The following DEAF1 variants were observed in gnomAD, a reference collection of about 807,000 sequenced individuals.
DEAF1 encodes deformed epidermal autoregulatory factor 1 homolog.
In DEAF1, 53 loss-of-function variants were observed where a neutral mutation model predicts 58.9. The ratio of observed to expected loss-of-function variants is 0.90; its 90% CI spans 0.72 to 1.13. The LOEUF (loss-of-function observed/expected upper bound fraction) is 1.13, where lower values mean the gene tolerates loss of function less well. DEAF1 is among the 50% of genes most tolerant of loss of function. DEAF1 has a pLI of 0.00. For missense variants in DEAF1, 685 were observed against 791.4 expected (o/e 0.87, Z 1.61); for synonymous variants, 385 against 340.4 (o/e 1.13, Z -1.44).
Position 674,688 on chromosome 11 carries a change from G to A in DEAF1, c.1351C>T (p.Arg451Trp). 5.0e-6 allele frequency: 8 copies of A among 1,613,908 alleles called. No homozygotes were observed. Among genetic ancestry groups the A allele is most frequent in the Non-Finnish European group, 5.9e-6 (7 of 1,180,046 alleles). Residue 451 changes from arginine (R) to tryptophan (W), a missense_variant, in exon 10 of 12, where the codon CGG (arginine) becomes TGG (tryptophan). Arg to Trp is a moderately radical substitution (Grantham distance 101). Coordinates refer to ENST00000382409, the MANE Select transcript of DEAF1 (RefSeq NM_021008.4). Reference protein sequence around the residue: ...LVNGLELSEPRSWLYLEEMVN... With the variant: ...LVNGLELSEPWSWLYLEEMVN... The stretch of plus-strand genomic sequence containing the variant: ...ATCTCTTCTAGGTACAGCCAGCTCC[G>A]CGGCTCTGACAGCTCCAGCCCATTG...
At position 644,472 on chromosome 11, in the gene DEAF1, T is replaced by G; in HGVS notation, c.*78A>C. On this transcript the variant is annotated 3_prime_UTR_variant, in exon 12 of 12. Coordinates refer to ENST00000382409, the MANE Select transcript of DEAF1 (RefSeq NM_021008.4). This position sits in a 1 kb window ranked among gnomAD's most constrained non-coding sequence, Gnocchi z 4.3. Reference sequence around the variant, plus strand: ...CCCTCTTCTCAACGTCCCCCCAGAGTCCTCAGGGGGGCCTTCGACCTGCAA... The same window carrying G: ...CCCTCTTCTCAACGTCCCCCCAGAGGCCTCAGGGGGGCCTTCGACCTGCAA... 1 of 1,076,436 alleles carries G rather than the reference T, an allele frequency of 9.3e-7. No individual in the cohort carries two copies. Among genetic ancestry groups the G allele is most frequent in the Non-Finnish European group, 1.4e-6 (1 of 715,696 alleles). The allele number at this position is 1,076,436 out of a possible 1,614,324, so 66.7% of individuals were successfully genotyped here. A position where few individuals can be genotyped will look rare whatever the true frequency, so the allele number is the denominator to read the frequency against.
At chr11:658,200 A>G (rs538895169) in intron 10 of DEAF1, among the ~76,000 whole-genome samples, 15 of 152,248 alleles carry the variant, frequency 9.9e-5, no homozygotes, top group African/African-American at 3.4e-4. Flanking sequence ...AGGCTGAGGC[A>G]GGCGGATCAC....
chr11:683,463 C>T (rs1174536320), intron 6 of DEAF1, among the ~76,000 whole-genome samples: 2 of 152,190 alleles, frequency 1.3e-5, no homozygotes, highest in African/African-American at 2.4e-5. Flanking sequence ...ATCGTGGGGT[C>T]TCTCCCTCTG....
rs532081959 is a variant in DEAF1, at chr11:703,736, A to G, written c.-438+2836T>C. 69 of 1,232,670 alleles carry G rather than the reference A, an allele frequency of 5.6e-5. No homozygotes were observed. The African/African-American group carries it at 9.0e-4, about 16-fold the overall frequency. The allele number at this position is 1,232,670 out of a possible 1,614,324, so 76.4% of individuals were successfully genotyped here. A position where few individuals can be genotyped will look rare whatever the true frequency, so the allele number is the denominator to read the frequency against. Reference sequence around the variant, plus strand: ...GGACTCTGGGTTCCTAAAGCAATAAATGCAAACAAGCCAACAGCTCTGCTG... The same window carrying G: ...GGACTCTGGGTTCCTAAAGCAATAAGTGCAAACAAGCCAACAGCTCTGCTG... On this transcript the variant is annotated intron_variant, in intron 1 of 11. Coordinates refer to the DEAF1 transcript ENST00000683307.
In DEAF1 at chr11:674,765, G is replaced by A. The variant is rs148012724; in HGVS notation, c.1274C>T (p.Ala425Val). The A allele has an allele frequency of 3.1e-6, 5 of 1,612,490 alleles. No homozygotes were observed. Among genetic ancestry groups the A allele is most frequent in the South Asian group, 2.2e-5 (2 of 91,088 alleles). ...HPKIVLTSLP[A>V]LAVPPPTPTK... The stretch of plus-strand genomic sequence containing the variant: ...GGGAGTCGGGGGTGGGACCGCCAGC[G>A]CAGGCAGGGATGTCAACACTAGAGC... Residue 425 changes from alanine to valine, a missense_variant, in exon 10 of 12, where the codon GCG becomes GTG. Physicochemically the swap from Ala to Val is moderately conservative, Grantham distance 64 (BLOSUM62 0). Around this residue, in one of 3 missense-constraint regions of DEAF1, gnomAD observed 343 missense variants for 379.8 expected, o/e 0.90. Transcript: ENST00000382409.
intron 1 of DEAF1, chr11:703,251 C>G (rs1371663199): frequency 2.9e-5 from 42 of 1,457,912 alleles, no homozygotes; most frequent in Non-Finnish European, 3.8e-5. Context: ...GGCACTTTTC[C>G]TAGTGACTGG....
chr11:691,677 A>G, intron 1 of DEAF1, 79 bp from the exon 2 acceptor site: 1 of 1,284,718 alleles, frequency 7.8e-7, no homozygotes. Flanking sequence ...AGGTGCTTCA[A>G]ACAAAGTGAC....
intron 10 of DEAF1, among the ~76,000 whole-genome samples, chr11:668,547 G>T (rs1211899154): frequency 6.6e-6 from 1 of 152,154 alleles, no homozygotes; most frequent in Non-Finnish European, 1.5e-5. Flanking sequence ...TTTTGGCCGG[G>T]CACAGTGGTT....
intron 5 of DEAF1, 120 bp from the exon 6 acceptor site, chr11:685,083 T>A: frequency 3.4e-5 from 8 of 233,754 alleles, no homozygotes; most frequent in Non-Finnish European, 4.7e-5. Context: ...ATAAAAATTC[T>A]TTTTTTTTTT....
chr11:691,734 C>G, intron 1 of DEAF1, 136 bp from the exon 2 acceptor site: 1 of 731,504 alleles, frequency 1.4e-6, no homozygotes, highest in South Asian at 1.5e-5. Flanking sequence ...CTTAACACTT[C>G]CATGAACACG....
intron 10 of DEAF1, among the ~76,000 whole-genome samples, chr11:664,408 A>G (rs563042356): frequency 2.0e-5 from 3 of 151,288 alleles, no homozygotes; most frequent in Admixed American, 6.6e-5. Flanking sequence ...CTAAGTCCTG[A>G]CTCCAGCTAT....
In DEAF1 at chr11:688,653, C is replaced by T. The variant is rs938800726; in HGVS notation, c.388-193G>A. 2.0e-5 allele frequency among the ~76,000 whole-genome samples: 3 copies of T among 152,290 alleles called. No individual in the cohort carries two copies. The highest frequency in any genetic ancestry group is 7.2e-5 in the African/African-American group (3 of 41,560). On this transcript the variant is annotated intron_variant, in intron 2 of 11. Transcript: ENST00000382409. The surrounding 1 kb of genome is among the most constrained non-coding windows in gnomAD (Gnocchi z 4.3). ...AAACAGAGCCAAGAACAAGAACAGACAATGCCGAAGTCTGTGTGGTGCTGA... is the reference window on the plus strand; with the variant it reads ...AAACAGAGCCAAGAACAAGAACAGATAATGCCGAAGTCTGTGTGGTGCTGA...
Position 661,603 on chromosome 11 carries a change from G to A in DEAF1, c.1504-7552C>T, listed in dbSNP as rs914492336. Among the ~76,000 whole-genome samples the A allele has an allele frequency of 2.6e-5, 4 of 152,202 alleles. No homozygotes were observed. In the South Asian group the frequency reaches 6.2e-4, roughly 24 times the overall value. ...CAAGCGCCTGTAACCCCAGCTACTC[G>A]GGAGGCTGAGGCAGAAGAATCGCTT... On this transcript the variant is annotated intron_variant, in intron 10 of 11. Transcript: ENST00000382409.
intron 10 of DEAF1, among the ~76,000 whole-genome samples, chr11:669,927 CAAAAAAAAA>C (rs59541099): frequency 1.0e-4 from 9 of 86,904 alleles, no homozygotes; most frequent in Admixed American, 1.3e-4. Flanking sequence ...GAGACTGTCT[CAAAAAAAAA>C]AAAAAAAAAA....
chr11:695,511 G>C (rs1005726039), upstream of DEAF1: 13 of 974,376 alleles, frequency 1.3e-5, no homozygotes, highest in African/African-American at 2.2e-4. Context: ...GCCTCTCAGA[G>C]AGAGCTTAGT....
intron 6 of DEAF1, 33 bp downstream of exon 6, chr11:684,865 A>C (rs1250074949): frequency 6.5e-7 from 1 of 1,548,914 alleles, no homozygotes; most frequent in Non-Finnish European, 8.7e-7. Context: ...AGCCCCACCA[A>C]GTCATCCTGT....
intron 6 of DEAF1, among the ~76,000 whole-genome samples, chr11:682,613 G>A (rs1178891826): frequency 6.6e-6 from 1 of 152,182 alleles, no homozygotes; most frequent in African/African-American, 2.4e-5. Flanking sequence ...AGACCTAGAG[G>A]CAGGAACAGT....
chr11:648,015 C>T (rs1256520429), intron 11 of DEAF1, among the ~76,000 whole-genome samples: 1 of 84,452 alleles, frequency 1.2e-5, no homozygotes, highest in Admixed American at 1.3e-4. Context: ...TTGACCCAGG[C>T]GGTGCTGGGA....
At chr11:672,562 A>G (rs1408915133) in intron 10 of DEAF1, among the ~76,000 whole-genome samples, 1 of 152,194 alleles carries the variant, frequency 6.6e-6, no homozygotes, top group Admixed American at 6.5e-5. Flanking sequence ...TAAAAAATAA[A>G]TAGGCCGGGC....
Sources: gnomAD v4.1 joint callset for allele counts (sites outside exome capture counted in the v4.1 genomes callset) on GRCh38, gnomAD v4.1.1 for gene constraint, gnomAD v4.1.1 regional missense constraint, Gnocchi (gnomAD v3.1) non-coding constraint, MANE v1.5 for transcripts, NCBI Gene and HGNC (gene_info 2026-07-23, HGNC 2026-07-21) for gene names.